The following SNX5 variants were observed in gnomAD, a reference collection of about 807,000 sequenced individuals.
SNX5 encodes sorting nexin 5.
In SNX5, 31 loss-of-function variants were observed where a neutral mutation model predicts 53.9. That is an observed-to-expected ratio of 0.58 (90% CI 0.43 to 0.78). The LOEUF is 0.78. Ranked by LOEUF, SNX5 falls within the 30% of genes least tolerant of loss-of-function variation. The probability of loss-of-function intolerance (pLI) is 0.00; values close to 1 mark genes in which losing one functional copy is unlikely to be tolerated. For synonymous variants in SNX5, 168 were observed against 171.1 expected, an observed-to-expected ratio of 0.98 and a Z score of 0.14; for missense variants, 471 against 478.8, an observed-to-expected ratio of 0.98 and a Z score of 0.15.
intron 10 of SNX5, among the ~76,000 whole-genome samples, chr20:17,948,248 G>GT (rs1487449122): frequency 2.0e-5 from 3 of 152,196 alleles, no homozygotes; most frequent in Non-Finnish European, 4.4e-5. Context: ...TCAAATAATC[G>GT]TAAGTGAGCT....
rs140901728 is a variant in SNX5 at position 17,959,838 on chromosome 20, T to C, written c.52-2801A>G. 1.3e-4 allele frequency among the ~76,000 whole-genome samples: 20 copies of C among 152,220 alleles called. No homozygotes were observed. In the East Asian group the frequency reaches 2.3e-3, roughly 18 times the overall value. ...CCTTCTGCTTAGTCAACAAACCCAC[T>C]CCACAGTGCTACAGAACTTGCTAAA... On this transcript the variant is annotated intron_variant, in intron 1 of 12. Transcript: ENST00000377759.
At chr20:17,958,630 T>G (rs1214145061) in intron 1 of SNX5, among the ~76,000 whole-genome samples, 1 of 152,200 alleles carries the variant, frequency 6.6e-6, no homozygotes, top group Non-Finnish European at 1.5e-5. Context: ...CCACATGAAT[T>G]CTTGATAACT....
At chr20:17,952,503 T>C in intron 5 of SNX5, 84 bp downstream of exon 5, 2 of 1,346,190 alleles carry the variant, frequency 1.5e-6, no homozygotes, top group Non-Finnish European at 2.0e-6. Flanking sequence ...AATTCAAAAC[T>C]TTAAAGCAGT....
chr20:17,942,179 A>T lies in SNX5; in HGVS notation c.*178T>A. On this transcript the variant is annotated 3_prime_UTR_variant, in exon 13 of 13. Transcript: ENST00000377759. The stretch of plus-strand genomic sequence containing the variant: ...AAAAATTAGTTATGTCCAAGTAGCA[A>T]GCAATAATATTTTTAAACCAACATG... 1.7e-6 allele frequency: 1 copy of T among 587,784 alleles called. No homozygotes were observed. Among genetic ancestry groups the T allele is most frequent in the Non-Finnish European group, 3.0e-6 (1 of 329,710 alleles). The allele number at this position is 587,784 out of a possible 1,614,324, so 36.4% of individuals were successfully genotyped here.
intron 11 of SNX5, among the ~76,000 whole-genome samples, chr20:17,945,745 C>G (rs1401190213): frequency 2.6e-5 from 4 of 152,120 alleles, no homozygotes; most frequent in Admixed American, 6.5e-5. Flanking sequence ...GCCTTTGTGC[C>G]TTACAGTTAA....
At chr20:17,957,781 G>A (rs972069575) in intron 1 of SNX5, among the ~76,000 whole-genome samples, 1 of 152,186 alleles carries the variant, frequency 6.6e-6, no homozygotes, top group Non-Finnish European at 1.5e-5. Context: ...AGGATCCTGG[G>A]TGGAGAGTTC....
intron 3 of SNX5, among the ~76,000 whole-genome samples, chr20:17,954,992 A>C (rs1379777498): frequency 6.6e-6 from 1 of 152,202 alleles, no homozygotes; most frequent in Admixed American, 6.5e-5. Flanking sequence ...GATTAAAGGC[A>C]TGGCCTCCTT....
rs1349743268 is a variant in SNX5, at chr20:17,957,007, C to T, written c.82G>A (p.Asp28Asn). ...GGTATGTCAATCTGAAGCGAGGGATCAACATTCAGGTCCACAGATACAGAT... is the reference window on the plus strand; with the variant it reads ...GGTATGTCAATCTGAAGCGAGGGATTAACATTCAGGTCCACAGATACAGAT... ...LRSVSVDLNVDPSLQIDIPDA... is the reference protein window; with the variant it reads ...LRSVSVDLNVNPSLQIDIPDA... Residue 28 changes from aspartate (D) to asparagine (N), a missense_variant, in exon 2 of 13, where the codon GAT (aspartate) becomes AAT (asparagine). Physicochemically the swap from Asp to Asn is conservative, Grantham distance 23. Coordinates refer to ENST00000377759, the MANE Select transcript of SNX5 (RefSeq NM_014426.4). The T allele has an allele frequency of 6.2e-7, 1 of 1,607,812 alleles. No individual in the cohort carries two copies. The highest frequency in any genetic ancestry group is 1.3e-5 in the African/African-American group (1 of 74,792).
At chr20:17,947,850 T>C (rs966320095) in intron 10 of SNX5, among the ~76,000 whole-genome samples, 3 of 152,162 alleles carry the variant, frequency 2.0e-5, no homozygotes, top group African/African-American at 2.4e-5. Flanking sequence ...ATTCCTTATA[T>C]GAATCAAGTG....
In SNX5 at chr20:17,943,118, G is replaced by A; in HGVS notation, c.1156C>T (p.His386Tyr). 1 of 1,598,452 alleles carries A rather than the reference G, an allele frequency of 6.3e-7. No homozygotes were observed. Among genetic ancestry groups the A allele is most frequent in the East Asian group, 2.2e-5 (1 of 44,792 alleles). The change falls in exon 12 of 13, where the codon CAT (histidine) becomes TAT (tyrosine). Residue 386 changes from histidine to tyrosine, a missense_variant. His to Tyr is a moderately conservative substitution (Grantham distance 83, BLOSUM62 2). Coordinates refer to ENST00000377759, the MANE Select transcript of SNX5 (RefSeq NM_014426.4). ...LIEMSELEIK[H>Y]ARNNVSLLQS... ...CTGTAGAAAACACTTACCCTGGCAT[G>A]TTTTATTTCCAGTTCAGACATTTCA...
rs1275108589 is a variant in SNX5, at chr20:17,951,491, G to C, written c.609+9C>G. The stretch of plus-strand genomic sequence containing the variant: ...AAAAAATTTTCTCCAACAGCCAAAG[G>C]TCACTTACCTTAACTCCAGTAAAAA... On this transcript the variant is annotated intron_variant, in intron 6 of 12. Coordinates refer to ENST00000377759, the MANE Select transcript of SNX5 (RefSeq NM_014426.4). 1.3e-6 allele frequency: 2 copies of C among 1,595,440 alleles called. No individual in the cohort carries two copies. The highest frequency in any genetic ancestry group is 1.7e-5 in the Admixed American group (1 of 59,648).
chr20:17,966,157 A>G (rs1374259008), intron 1 of SNX5, among the ~76,000 whole-genome samples: 2 of 152,118 alleles, frequency 1.3e-5, no homozygotes, highest in Non-Finnish European at 2.9e-5. Context: ...AGTTAAAAAT[A>G]GCACTAGGCT....
intron 1 of SNX5, among the ~76,000 whole-genome samples, chr20:17,967,450 G>GT (rs577164212): frequency 5.0e-4 from 76 of 152,180 alleles, no homozygotes; most frequent in Admixed American, 9.8e-4. Flanking sequence ...TGAAACTCTG[G>GT]TATTTACTTA....
chr20:17,961,493 C>G (rs574243617), intron 1 of SNX5: 2 of 985,344 alleles, frequency 2.0e-6, no homozygotes, highest in Non-Finnish European at 2.4e-6. Flanking sequence ...TAGATTGGGG[C>G]TAGTTGAACA....
At chr20:17,963,435 G>C (rs747956462) in intron 1 of SNX5, among the ~76,000 whole-genome samples, 3 of 152,102 alleles carry the variant, frequency 2.0e-5, no homozygotes, top group Non-Finnish European at 4.4e-5. Flanking sequence ...CACTGAACTC[G>C]AGCCTGGGAG....
chr20:17,963,481 A>G (rs1482587286), intron 1 of SNX5, among the ~76,000 whole-genome samples: 1 of 152,154 alleles, frequency 6.6e-6, no homozygotes, highest in Non-Finnish European at 1.5e-5. Context: ...TCAAAAAGTA[A>G]AAAACAGAAA....
chr20:17,951,596 C>T lies in SNX5; in HGVS notation c.514-1G>A, dbSNP rs2039569453. 1 of 1,598,814 alleles carries T rather than the reference C, an allele frequency of 6.3e-7. No homozygotes were observed. Among genetic ancestry groups the T allele is most frequent in the Admixed American group, 1.7e-5 (1 of 59,834 alleles). On this transcript the variant is annotated splice_acceptor_variant, in intron 5 of 12. Transcript: ENST00000377759. LOFTEE classifies it high-confidence loss of function. ...TAGTATTTTTCCGCCTAACACTTAGCTAAAAGAAGAAAATTCCAAAGAGTT... is the reference window on the plus strand; with the variant it reads ...TAGTATTTTTCCGCCTAACACTTAGTTAAAAGAAGAAAATTCCAAAGAGTT...
chr20:17,949,699 A>G (rs1244282533), intron 8 of SNX5, among the ~76,000 whole-genome samples: 1 of 152,170 alleles, frequency 6.6e-6, no homozygotes, highest in African/African-American at 2.4e-5. Flanking sequence ...TGACCACTAT[A>G]ACCAAATCTC....
chr20:17,957,432 C>CA (rs11476332), intron 1 of SNX5, among the ~76,000 whole-genome samples: 5,631 of 118,884 alleles, frequency 0.047, 280 homozygotes, highest in East Asian at 0.17. Flanking sequence ...GAAACTGTCT[C>CA]AAAAAAAAAA....
Sources: gnomAD v4.1 joint callset for allele counts (sites outside exome capture counted in the v4.1 genomes callset) on GRCh38, gnomAD v4.1.1 for gene constraint, MANE v1.5 for transcripts, NCBI Gene and HGNC (gene_info 2026-07-23, HGNC 2026-07-21) for gene names.